TEK: variants seen among roughly 807,000 people sequenced by gnomAD.
The protein encoded by TEK is TEK receptor tyrosine kinase.
Under a neutral mutation model 131.8 loss-of-function variants are expected in TEK, and 43 were observed. The observed-to-expected ratio is 0.33, with a 90% CI of 0.26 to 0.42. TEK has a LOEUF of 0.42. TEK is among the 10% of genes least tolerant of loss of function. The pLI, the probability that TEK is intolerant of heterozygous loss-of-function variation, is 1.00. For missense variants in TEK, 1,162 were observed against 1,384.4 expected, an observed-to-expected ratio of 0.84 and a Z score of 2.55; for synonymous variants, 580 against 491.6, an observed-to-expected ratio of 1.18 and a Z score of -2.38.
At chr9:27,122,830 G>T (rs773822026) in intron 1 of TEK, among the ~76,000 whole-genome samples, 2 of 151,944 alleles carry the variant, frequency 1.3e-5, no homozygotes, top group Non-Finnish European at 2.9e-5. Context: ...ACGGCAGCTA[G>T]ATCACGAGGT....
intron 10 of TEK, 46 bp from the exon 11 acceptor site, chr9:27,192,443 G>A (rs1244493749): frequency 6.2e-7 from 1 of 1,611,976 alleles, no homozygotes; most frequent in Non-Finnish European, 8.5e-7. Context: ...CTTAAGGAAT[G>A]TAAGAGAATG....
chr9:27,129,919 A>C (rs1005601502), intron 1 of TEK, among the ~76,000 whole-genome samples: 4 of 152,236 alleles, frequency 2.6e-5, no homozygotes, highest in Middle Eastern at 3.4e-3. Context: ...CATAAAACTC[A>C]TAGGTAGGTT....
chr9:27,167,820 T>A (rs998183687), intron 2 of TEK, among the ~76,000 whole-genome samples: 1 of 152,058 alleles, frequency 6.6e-6, no homozygotes, highest in African/African-American at 2.4e-5. Context: ...TTGGTAAATT[T>A]TTTTTCTCTT....
At chr9:27,153,664 G>T (rs190339736) in intron 1 of TEK, among the ~76,000 whole-genome samples, 10 of 152,302 alleles carry the variant, frequency 6.6e-5, no homozygotes, top group African/African-American at 2.4e-4. Flanking sequence ...ACATGATTTG[G>T]AGAGGATAGC....
chr9:27,204,990 G>A lies in TEK; in HGVS notation c.2289G>A (p.Leu763=). The change falls in exon 14 of 23, where the codon CTG becomes CTA. Residue 763 remains leucine, a synonymous_variant. Coordinates refer to ENST00000380036, the MANE Select transcript of TEK (RefSeq NM_000459.5). ...GSAGMTCLTV[L]LAFLIILQLK... ...CTGGAATGACCTGCCTGACTGTGCT[G>A]TTGGCCTTTCTGATCATATTGCAAT... 6.2e-7 allele frequency: 1 copy of A among 1,614,068 alleles called. No homozygotes were observed. Among genetic ancestry groups the A allele is most frequent in the Non-Finnish European group, 8.5e-7 (1 of 1,179,938 alleles).
chr9:27,191,270 C>G (rs573684143), intron 10 of TEK, among the ~76,000 whole-genome samples: 12 of 151,878 alleles, frequency 7.9e-5, no homozygotes, highest in Non-Finnish European at 1.8e-4. Context: ...GCTACAGACC[C>G]CTCCCCTAAC....
rs140585951 is a variant in TEK at position 27,138,644 on chromosome 9, A to T, written c.53-19187A>T. Among the ~76,000 whole-genome samples the T allele has an allele frequency of 6.8e-3, 1,029 of 152,344 alleles. 12 individuals carry two copies. The highest frequency in any genetic ancestry group is 0.023 in the African/African-American group (941 of 41,566). On this transcript the variant is annotated intron_variant, in intron 1 of 22. Coordinates refer to ENST00000380036, the MANE Select transcript of TEK (RefSeq NM_000459.5). Reference sequence around the variant, plus strand: ...AGTAGTAAGCAAAGTATTTGAAACTATACCTGACACTTGAATAACACAAGT... The same window carrying T: ...AGTAGTAAGCAAAGTATTTGAAACTTTACCTGACACTTGAATAACACAAGT...
chr9:27,188,557 A>G (rs1330812729), intron 9 of TEK, among the ~76,000 whole-genome samples: 3 of 152,170 alleles, frequency 2.0e-5, no homozygotes, highest in Non-Finnish European at 2.9e-5. Flanking sequence ...ATTTACTTAC[A>G]GCACTGCCCT....
rs145480302 is a variant in TEK, at chr9:27,183,342, A to G, written c.1031-117A>G. 9.0e-4 allele frequency: 1,050 copies of G among 1,168,050 alleles called. 9 individuals carry two copies. In the African/African-American group the frequency reaches 0.015, roughly 16 times the overall value. 72.4% of individuals were successfully genotyped at this position (1,168,050 alleles called of 1,614,324 possible). On this transcript the variant is annotated intron_variant, in intron 7 of 22. Coordinates refer to ENST00000380036, the MANE Select transcript of TEK (RefSeq NM_000459.5). Reference sequence around the variant, plus strand: ...TGTCTTATGTGATGACAAAACAGTAAAATATTTGCAAAGTTCTTGCCCGGT... The same window carrying G: ...TGTCTTATGTGATGACAAAACAGTAGAATATTTGCAAAGTTCTTGCCCGGT...
chr9:27,117,573 G>A (rs756757946), intron 1 of TEK, among the ~76,000 whole-genome samples: 27 of 152,230 alleles, frequency 1.8e-4, no homozygotes, highest in East Asian at 3.9e-4. Context: ...GTGTGAAGAC[G>A]TGGATGTGCC....
At chr9:27,226,159 G>A (rs746374323) in intron 21 of TEK, among the ~76,000 whole-genome samples, 6 of 152,188 alleles carry the variant, frequency 3.9e-5, no homozygotes, top group Admixed American at 1.3e-4. Flanking sequence ...CAACCATTGT[G>A]GAAGTCAGTG....
Position 27,212,794 on chromosome 9 carries a change from C to A in TEK, c.2774C>A (p.Ala925Glu). ...RKSRVLETDP[A>E]FAIANSTAST... Reference sequence around the variant, plus strand: ...AGCCGTGTGCTGGAGACGGACCCAGCATTTGCCATTGCCAATAGCACCGCG... The same window carrying A: ...AGCCGTGTGCTGGAGACGGACCCAGAATTTGCCATTGCCAATAGCACCGCG... Residue 925 changes from alanine to glutamate, a missense_variant, in exon 17 of 23, where the codon GCA (alanine) becomes GAA (glutamate). By Grantham distance (107) the Ala-to-Glu change is moderately radical. Transcript: ENST00000380036. 1 of 1,614,114 alleles carries A rather than the reference C, an allele frequency of 6.2e-7. No homozygotes were observed. Among genetic ancestry groups the A allele is most frequent in the Non-Finnish European group, 8.5e-7 (1 of 1,180,016 alleles).
Position 27,204,902 on chromosome 9 carries a change from C to T in TEK, c.2210-9C>T, listed in dbSNP as rs778890979. 2 of 1,613,796 alleles carry T rather than the reference C, an allele frequency of 1.2e-6. No individual in the cohort carries two copies. The highest frequency in any genetic ancestry group is 1.7e-6 in the Non-Finnish European group (2 of 1,179,838). ...AAACTACCTGCTTCACCTCTGTCTT[C>T]CTGCACAGCACCAGCGGACCTCGGA... On this transcript the variant is annotated splice_polypyrimidine_tract_variant and intron_variant, in intron 13 of 22. Transcript: ENST00000380036.
chr9:27,146,720 A>AT (rs34727945), intron 1 of TEK, among the ~76,000 whole-genome samples: 26,405 of 113,626 alleles, frequency 0.23, 3,681 homozygotes, highest in Non-Finnish European at 0.29. Context: ...TAAACATTCT[A>AT]TTTTTTTTTT....
At chr9:27,180,186 AG>A (rs1265997963) in intron 6 of TEK, 53 bp from the exon 7 acceptor site, 2 of 1,611,434 alleles carry the variant, frequency 1.2e-6, no homozygotes, top group East Asian at 2.2e-5. Context: ...CTGCAGTCTT[AG>A]TTTCCTCTCT....
At chr9:27,190,425 G>C (rs1824774105) in intron 9 of TEK, 104 bp from the exon 10 acceptor site, 1 of 1,428,368 alleles carries the variant, frequency 7.0e-7, no homozygotes. Flanking sequence ...AAAACTTTAA[G>C]AGGACTTTGT....
intron 1 of TEK, among the ~76,000 whole-genome samples, chr9:27,156,535 C>T (rs1823337768): frequency 6.6e-6 from 1 of 151,854 alleles, no homozygotes; most frequent in Non-Finnish European, 1.5e-5. Flanking sequence ...AAAAACATTC[C>T]AGGCAGAAGG....
chr9:27,156,577 T>C (rs1823340377), intron 1 of TEK, among the ~76,000 whole-genome samples: 1 of 152,050 alleles, frequency 6.6e-6, no homozygotes, highest in Non-Finnish European at 1.5e-5. Context: ...GGAAAGAGTA[T>C]CTTGTATCCA....
At chr9:27,194,819 G>T (rs570547073) in intron 11 of TEK, among the ~76,000 whole-genome samples, 3 of 152,118 alleles carry the variant, frequency 2.0e-5, no homozygotes, top group African/African-American at 7.2e-5. Flanking sequence ...TTTTCATTTC[G>T]TCTGGCAGTT....
Sources: gnomAD v4.1 joint callset for allele counts (sites outside exome capture counted in the v4.1 genomes callset) on GRCh38, gnomAD v4.1.1 for gene constraint, MANE v1.5 for transcripts, NCBI Gene and HGNC (gene_info 2026-07-23, HGNC 2026-07-21) for gene names.